FUT8: variants seen among roughly 807,000 people sequenced by gnomAD.
FUT8 encodes fucosyltransferase 8, also known as alpha-(1,6)-fucosyltransferase.
Under a neutral mutation model 71.3 loss-of-function variants are expected in FUT8, and 29 were observed. The observed-to-expected ratio is 0.41, with a 90% CI of 0.30 to 0.55. FUT8 has a LOEUF of 0.55. FUT8 is among the 20% of genes least tolerant of loss of function. The pLI is 0.34. For missense variants in FUT8, 544 were observed against 702.1 expected, an observed-to-expected ratio of 0.77 and a Z score of 2.55; for synonymous variants, 254 against 239.3, an observed-to-expected ratio of 1.06 and a Z score of -0.57.
chr14:65,565,954 G>A (rs1566825585), intron 3 of FUT8, among the ~76,000 whole-genome samples: 2 of 151,492 alleles, frequency 1.3e-5, no homozygotes, highest in Non-Finnish European at 2.9e-5. Flanking sequence ...ATAAAATATG[G>A]TATAATATAA....
intron 1 of FUT8, among the ~76,000 whole-genome samples, chr14:65,439,978 A>G (rs955379858): frequency 2.2e-5 from 3 of 137,292 alleles, no homozygotes; most frequent in East Asian, 2.2e-4. Context: ...ATATATATAT[A>G]TATATATATA....
intron 3 of FUT8, among the ~76,000 whole-genome samples, chr14:65,576,382 A>G (rs1886775049): frequency 6.6e-6 from 1 of 152,008 alleles, no homozygotes; most frequent in Non-Finnish European, 1.5e-5. Flanking sequence ...TGGTTTCATT[A>G]TTTTCATTAT....
At chr14:65,509,127 T>A (rs1451584097) in intron 2 of FUT8, among the ~76,000 whole-genome samples, 1 of 152,198 alleles carries the variant, frequency 6.6e-6, no homozygotes, top group Non-Finnish European at 1.5e-5. Context: ...GGAGTCTAGT[T>A]TCATTCTTCT....
rs575625263 is a variant in FUT8, at chr14:65,651,080, T to C, written c.598-18163T>C. 9.3e-4 allele frequency among the ~76,000 whole-genome samples: 142 copies of C among 152,254 alleles called. No individual in the cohort carries two copies. The South Asian group carries it at 9.5e-3, about 10-fold the overall frequency. On this transcript the variant is annotated intron_variant, in intron 6 of 10. Coordinates refer to ENST00000673929, the MANE Select transcript of FUT8 (RefSeq NM_001371533.1). ...ATAACAAGTTTGCAGCCCTCCCCAATGGATGCTACAGCCACAGAGACTGTG... is the reference window on the plus strand; with the variant it reads ...ATAACAAGTTTGCAGCCCTCCCCAACGGATGCTACAGCCACAGAGACTGTG...
At chr14:65,493,176 G>T (rs1265059628) in intron 2 of FUT8, among the ~76,000 whole-genome samples, 1 of 152,078 alleles carries the variant, frequency 6.6e-6, no homozygotes, top group Non-Finnish European at 1.5e-5. Flanking sequence ...ACCTTTCCAG[G>T]GCATAGAGGA....
intron 1 of FUT8, among the ~76,000 whole-genome samples, chr14:65,446,509 A>G (rs2065743407): frequency 6.6e-6 from 1 of 152,146 alleles, no homozygotes; most frequent in Non-Finnish European, 1.5e-5. Flanking sequence ...ATTTCTTTTT[A>G]ATTTATTACT....
chr14:65,665,542 G>T lies in FUT8; in HGVS notation c.598-3701G>T, dbSNP rs971964371. On this transcript the variant is annotated intron_variant, in intron 6 of 10. Transcript: ENST00000673929. Reference sequence around the variant, plus strand: ...GAAAGCAGTGTGGAAATTACTCGAAGAACTTTTACTACCATTTGACCCAGC... The same window carrying T: ...GAAAGCAGTGTGGAAATTACTCGAATAACTTTTACTACCATTTGACCCAGC... Among the ~76,000 whole-genome samples the T allele has an allele frequency of 2.6e-5, 4 of 152,102 alleles. No individual in the cohort carries two copies. The East Asian group carries it at 5.8e-4, about 22-fold the overall frequency.
intron 2 of FUT8, among the ~76,000 whole-genome samples, chr14:65,481,739 A>G (rs1054797192): frequency 6.6e-6 from 1 of 152,034 alleles, no homozygotes; most frequent in Non-Finnish European, 1.5e-5. Context: ...GGGGCTGTCC[A>G]TTCCTGTGTT....
chr14:65,402,548 A>G, the FUT8 span, among the ~76,000 whole-genome samples: 127,335 of 151,972 alleles, frequency 0.84, 53,501 homozygotes, highest in East Asian at 1. Context: ...GGCGCCTGTA[A>G]TCGCAGCTAC....
chr14:65,464,206 C>T (rs921343903), intron 2 of FUT8, among the ~76,000 whole-genome samples: 9 of 147,972 alleles, frequency 6.1e-5, no homozygotes, highest in African/African-American at 9.9e-5. Flanking sequence ...TTTTATCTTA[C>T]AATCTGTAGT....
the FUT8 span, among the ~76,000 whole-genome samples, chr14:65,388,533 G>A: frequency 6.6e-5 from 10 of 152,086 alleles, no homozygotes; most frequent in African/African-American, 2.2e-4. Context: ...AGGCCAAGGC[G>A]GGCAGATTGC....
intron 3 of FUT8, among the ~76,000 whole-genome samples, chr14:65,609,599 A>G (rs1434607905): frequency 1.3e-5 from 2 of 151,860 alleles, no homozygotes; most frequent in African/African-American, 4.8e-5. Flanking sequence ...CTGTTTCATT[A>G]TGCTCTTTGT....
intron 2 of FUT8, among the ~76,000 whole-genome samples, chr14:65,556,742 A>G (rs139594513): frequency 1.0e-3 from 155 of 152,306 alleles, no homozygotes; most frequent in African/African-American, 3.5e-3. Flanking sequence ...TAATTATATA[A>G]AGAATTGTAA....
At chr14:65,679,454 T>G (rs1306912180) in intron 7 of FUT8, among the ~76,000 whole-genome samples, 1 of 152,184 alleles carries the variant, frequency 6.6e-6, no homozygotes, top group East Asian at 1.9e-4. Flanking sequence ...AGAGGGAAGA[T>G]TAATATTTTA....
At chr14:65,366,216 G>A in the FUT8 span, among the ~76,000 whole-genome samples, 4 of 152,230 alleles carry the variant, frequency 2.6e-5, no homozygotes, top group South Asian at 2.1e-4. Flanking sequence ...GTAAGTAGCC[G>A]AATGAGAAAA....
intron 1 of FUT8, among the ~76,000 whole-genome samples, chr14:65,448,709 T>C (rs1412748114): frequency 2.6e-5 from 4 of 152,134 alleles, no homozygotes; most frequent in Non-Finnish European, 5.9e-5. Flanking sequence ...GTATAGGAAG[T>C]TGAAAAGGAT....
chr14:65,640,007 A>C (rs1394314298), intron 6 of FUT8, among the ~76,000 whole-genome samples: 2 of 152,150 alleles, frequency 1.3e-5, no homozygotes, highest in Non-Finnish European at 2.9e-5. Flanking sequence ...TTAAAAAATG[A>C]TTATGAATCA....
intron 9 of FUT8, among the ~76,000 whole-genome samples, 198 bp from the exon 10 acceptor site, chr14:65,733,033 A>G (rs1896051247): frequency 6.6e-6 from 1 of 152,190 alleles, no homozygotes; most frequent in Non-Finnish European, 1.5e-5. Flanking sequence ...ATATGCCAAT[A>G]AAATTTAATA....
chr14:65,415,544 G>A (rs982913487), intron 1 of FUT8, among the ~76,000 whole-genome samples: 2 of 152,114 alleles, frequency 1.3e-5, no homozygotes, highest in African/African-American at 4.8e-5. Flanking sequence ...CATTGTACAT[G>A]TTGTGTGTTC....
Sources: gnomAD v4.1 joint callset for allele counts (sites outside exome capture counted in the v4.1 genomes callset) on GRCh38, gnomAD v4.1.1 for gene constraint, MANE v1.5 for transcripts, NCBI Gene and HGNC (gene_info 2026-07-23, HGNC 2026-07-21) for gene names.